Variants in ZBTB20 observed in about 807,000 individuals in gnomAD.
ZBTB20 encodes zinc finger and BTB domain containing 20, also known as zinc finger and BTB domain-containing protein 20.
ZBTB20 carries 9 observed loss-of-function variants against 56.9 expected under a neutral mutation model. The ratio of observed to expected loss-of-function variants is 0.16; its 90% CI spans 0.10 to 0.28. ZBTB20 has a LOEUF of 0.28. Among genes scored for constraint, ZBTB20 ranks in the 10% least tolerant of loss-of-function variants. ZBTB20 has a pLI of 1.00. For synonymous variants in ZBTB20, 417 were observed against 420.7 expected, an observed-to-expected ratio of 0.99 and a Z score of 0.11; for missense variants, 655 against 1,003.0, an observed-to-expected ratio of 0.65 and a Z score of 4.69.
At chr3:114,744,438 A>C (rs1560196514) in intron 5 of ZBTB20, among the ~76,000 whole-genome samples, 1 of 152,148 alleles carries the variant, frequency 6.6e-6, no homozygotes, top group Admixed American at 6.5e-5. Context: ...ATTTTAGGAG[A>C]TGCTTTAGGG....
chr3:114,821,799 T>C (rs2073263294), intron 4 of ZBTB20, among the ~76,000 whole-genome samples: 1 of 152,074 alleles, frequency 6.6e-6, no homozygotes, highest in Non-Finnish European at 1.5e-5. Context: ...ATGTCAGAAA[T>C]AAAGCAAATG....
chr3:115,119,203 T>C (rs1225554954), intron 1 of ZBTB20, among the ~76,000 whole-genome samples: 1 of 152,164 alleles, frequency 6.6e-6, no homozygotes, highest in Non-Finnish European at 1.5e-5. Context: ...ATATGTTTCT[T>C]ACTAATTAGA....
intron 7 of ZBTB20, among the ~76,000 whole-genome samples, chr3:114,439,226 C>T (rs778047367): frequency 6.6e-5 from 10 of 152,116 alleles, no homozygotes; most frequent in South Asian, 6.2e-4. Flanking sequence ...TAAAAAGAAG[C>T]TGAGTCCCCT....
chr3:114,727,689 T>G (rs1483514655), intron 5 of ZBTB20, among the ~76,000 whole-genome samples: 1 of 152,224 alleles, frequency 6.6e-6, no homozygotes, highest in Non-Finnish European at 1.5e-5. Flanking sequence ...ATGTTGTGTT[T>G]GAAGATTCAT....
At chr3:114,883,570 GA>G (rs1213732397) in intron 4 of ZBTB20, among the ~76,000 whole-genome samples, 17 of 152,186 alleles carry the variant, frequency 1.1e-4, no homozygotes. Flanking sequence ...ATATGTTTTT[GA>G]TATTGGATAA....
chr3:114,843,206 T>C (rs1430686463), intron 4 of ZBTB20, among the ~76,000 whole-genome samples: 1 of 152,190 alleles, frequency 6.6e-6, no homozygotes, highest in Non-Finnish European at 1.5e-5. Context: ...TAGTTCTTTA[T>C]AGCAGTGTCA....
chr3:114,688,844 G>A lies in ZBTB20; in HGVS notation c.-295+4684C>T, dbSNP rs114379845. ...CCCAGAAAGCAAATTACTTTTGACCGAAATGTATACATCAACAGTACGGTT... is the reference window on the plus strand; with the variant it reads ...CCCAGAAAGCAAATTACTTTTGACCAAAATGTATACATCAACAGTACGGTT... On this transcript the variant is annotated intron_variant, in intron 6 of 11. Transcript: ENST00000675478. 8.4e-3 allele frequency among the ~76,000 whole-genome samples: 1,271 copies of A among 152,198 alleles called. 14 individuals carry two copies. The highest frequency in any genetic ancestry group is 0.027 in the African/African-American group (1,140 of 41,520).
intron 6 of ZBTB20, among the ~76,000 whole-genome samples, chr3:114,659,755 C>T (rs945937154): frequency 6.6e-6 from 1 of 152,102 alleles, no homozygotes; most frequent in Non-Finnish European, 1.5e-5. Flanking sequence ...AACAACAAGC[C>T]TTGTGATCAA....
Position 114,350,538 on chromosome 3 carries a change from T to C in ZBTB20, c.1540A>G (p.Thr514Ala). Residue 514 changes from threonine (T) to alanine (A), a missense_variant, in exon 11 of 12, where the codon ACC becomes GCC. Around this residue, in one of 10 missense-constraint regions of ZBTB20, gnomAD observed 71 missense variants for 89.4 expected, o/e 0.79. Coordinates refer to ENST00000675478, the MANE Select transcript of ZBTB20 (RefSeq NM_001348800.3). ...GNTYLPALFT[T>A]QPAGSGPKPF... ...TTGGGGCCACTGCCCGCGGGCTGGG[T>C]AGTGAAGAGGGCTGGCAGGTAGGTG... is the stretch of plus-strand genomic sequence containing the variant. 2.5e-6 allele frequency: 4 copies of C among 1,613,642 alleles called. No homozygotes were observed. The highest frequency in any genetic ancestry group is 3.4e-6 in the Non-Finnish European group (4 of 1,179,876).
chr3:114,592,956 T>C (rs1211167404), intron 6 of ZBTB20, among the ~76,000 whole-genome samples: 1 of 152,214 alleles, frequency 6.6e-6, no homozygotes, highest in Non-Finnish European at 1.5e-5. Context: ...GGCATATAAA[T>C]GGTTGCTGGG....
chr3:114,518,620 ACT>A (rs2046297206), intron 6 of ZBTB20: 1 of 152,110 alleles, frequency 6.6e-6, no homozygotes, highest in African/African-American at 2.4e-5. Flanking sequence ...CAAGATCATG[ACT>A]CTTCACAGTG....
intron 7 of ZBTB20, among the ~76,000 whole-genome samples, chr3:114,407,777 C>T (rs749772301): frequency 6.6e-6 from 1 of 152,074 alleles, no homozygotes; most frequent in Non-Finnish European, 1.5e-5. Flanking sequence ...CAGAATAATT[C>T]GCAATCTGTG....
chr3:114,910,028 T>C (rs769107604), intron 3 of ZBTB20, among the ~76,000 whole-genome samples: 2 of 151,220 alleles, frequency 1.3e-5, no homozygotes, highest in Non-Finnish European at 3.0e-5. Context: ...AGTAGAAAAA[T>C]CTCTGGGAAT....
intron 3 of ZBTB20, among the ~76,000 whole-genome samples, chr3:114,949,938 C>T (rs1024581790): frequency 2.6e-5 from 4 of 151,888 alleles, no homozygotes; most frequent in African/African-American, 9.7e-5. Flanking sequence ...TGGACAATAC[C>T]TTTCAACATG....
rs148101655 is a variant in ZBTB20, at chr3:114,960,117, T to A, written c.-456+14249A>T. Among the ~76,000 whole-genome samples, 123 of 152,320 alleles carry A rather than the reference T, an allele frequency of 8.1e-4. 1 individual carries two copies. In the East Asian group the frequency reaches 0.021, roughly 26 times the overall value. On this transcript the variant is annotated intron_variant, in intron 3 of 11. Coordinates refer to ENST00000675478, the MANE Select transcript of ZBTB20 (RefSeq NM_001348800.3). The stretch of plus-strand genomic sequence containing the variant: ...CTCTCTATCTAGGCTTCTTGTGGCA[T>A]TAAAGAAGCATCTGCAAATGCAGTA...
At chr3:114,693,910 A>T (rs1397897724) in intron 5 of ZBTB20, among the ~76,000 whole-genome samples, 1 of 152,042 alleles carries the variant, frequency 6.6e-6, no homozygotes, top group African/African-American at 2.4e-5. Flanking sequence ...TTAAAAAAAT[A>T]AATCAAACCA....
intron 1 of ZBTB20, among the ~76,000 whole-genome samples, chr3:115,138,165 G>A (rs766714818): frequency 5.9e-5 from 9 of 151,916 alleles, no homozygotes; most frequent in African/African-American, 1.4e-4. Flanking sequence ...TTATTCAGTC[G>A]GGTTTGATTT....
intron 3 of ZBTB20, among the ~76,000 whole-genome samples, chr3:114,963,548 T>A (rs547224777): frequency 2.1e-4 from 32 of 152,206 alleles, no homozygotes; most frequent in Non-Finnish European, 4.0e-4. Context: ...AACAGGTCCA[T>A]GTAAAAGGCT....
At chr3:114,390,660 G>A (rs1231522501) in intron 7 of ZBTB20, among the ~76,000 whole-genome samples, 3 of 152,138 alleles carry the variant, frequency 2.0e-5, no homozygotes, top group African/African-American at 7.2e-5. Flanking sequence ...CATCCACATT[G>A]CTATCTTTAG....
Sources: gnomAD v4.1 joint callset for allele counts (sites outside exome capture counted in the v4.1 genomes callset) on GRCh38, gnomAD v4.1.1 for gene constraint, gnomAD v4.1.1 regional missense constraint, MANE v1.5 for transcripts, NCBI Gene and HGNC (gene_info 2026-07-23, HGNC 2026-07-21) for gene names.